Variants in RTN3 observed in about 807,000 individuals in gnomAD.
The protein encoded by RTN3 is reticulon 3.
RTN3 carries 49 observed loss-of-function variants against 77.8 expected under a neutral mutation model. That is an observed-to-expected ratio of 0.63 (90% CI 0.50 to 0.80). The LOEUF (loss-of-function observed/expected upper bound fraction) is 0.80. Among genes scored for constraint, RTN3 ranks in the 30% least tolerant of loss-of-function variants. The pLI is 0.00. For synonymous variants in RTN3, 464 were observed against 446.9 expected, an observed-to-expected ratio of 1.04 and a Z score of -0.48; for missense variants, 1,236 against 1,211.9, an observed-to-expected ratio of 1.02 and a Z score of -0.29.
intron 3 of RTN3, among the ~76,000 whole-genome samples, chr11:63,743,981 C>T (rs1006338128): frequency 1.3e-5 from 2 of 151,382 alleles, no homozygotes; most frequent in South Asian, 2.1e-4. Flanking sequence ...CAGTGGCTCA[C>T]GCCTGTAATT....
intron 1 of RTN3, among the ~76,000 whole-genome samples, chr11:63,702,920 C>T (rs1188285986): frequency 6.6e-6 from 1 of 151,664 alleles, no homozygotes; most frequent in East Asian, 1.9e-4. Flanking sequence ...CTCCTGACCT[C>T]GTGATCTGCC....
intron 2 of RTN3, among the ~76,000 whole-genome samples, chr11:63,710,079 G>A (rs1000983085): frequency 3.3e-5 from 5 of 152,132 alleles, no homozygotes; most frequent in African/African-American, 4.8e-5. Context: ...ATACGTACTT[G>A]AATAGATGAG....
intron 2 of RTN3, among the ~76,000 whole-genome samples, chr11:63,706,345 A>G (rs1397603643): frequency 5.9e-5 from 9 of 152,100 alleles, no homozygotes; most frequent in Admixed American, 5.9e-4. Context: ...ACATGCCACC[A>G]TGCCCTGCTA....
intron 1 of RTN3, among the ~76,000 whole-genome samples, chr11:63,688,223 C>CTTTTTT (rs34253380): frequency 1.5e-5 from 2 of 130,268 alleles, no homozygotes; most frequent in African/African-American, 5.6e-5. Flanking sequence ...GTGTGTTTTG[C>CTTTTTT]TTTTTTTTTT....
At chr11:63,725,177 C>G (rs181593222) in intron 3 of RTN3, among the ~76,000 whole-genome samples, 2 of 152,160 alleles carry the variant, frequency 1.3e-5, no homozygotes, top group African/African-American at 4.8e-5. Context: ...GTACATCCTT[C>G]CAGTTTATTT....
At chr11:63,682,749 T>G (rs570674278) in intron 1 of RTN3, among the ~76,000 whole-genome samples, 7 of 152,238 alleles carry the variant, frequency 4.6e-5, no homozygotes, top group African/African-American at 1.7e-4. Flanking sequence ...CCTCCTTTAG[T>G]TTGCATTGTA....
chr11:63,744,674 G>A, intron 3 of RTN3, among the ~76,000 whole-genome samples: 1 of 152,088 alleles, frequency 6.6e-6, no homozygotes, highest in Admixed American at 6.6e-5. Context: ...GCCAGAACAG[G>A]TACATGAAAA....
At chr11:63,687,257 T>G (rs569384574) in intron 1 of RTN3, among the ~76,000 whole-genome samples, 1 of 152,330 alleles carries the variant, frequency 6.6e-6, no homozygotes, top group Non-Finnish European at 1.5e-5. Context: ...GTGCAAGTCC[T>G]GAGCCTCAGT....
At chr11:63,705,434 C>T (rs555402004) in intron 2 of RTN3, among the ~76,000 whole-genome samples, 38 of 152,252 alleles carry the variant, frequency 2.5e-4, no homozygotes, top group Non-Finnish European at 5.0e-4. Flanking sequence ...GAGCGATGAT[C>T]GTGCCACTGC....
intron 1 of RTN3, among the ~76,000 whole-genome samples, chr11:63,683,933 T>C (rs2134596520): frequency 6.7e-6 from 1 of 149,112 alleles, no homozygotes; most frequent in Non-Finnish European, 1.5e-5. Context: ...CTTTCTCTTT[T>C]CTTTTCTTTC....
chr11:63,695,959 T>G (rs1163659091), intron 1 of RTN3, among the ~76,000 whole-genome samples: 1 of 152,194 alleles, frequency 6.6e-6, no homozygotes, highest in Non-Finnish European at 1.5e-5. Context: ...ATATTCTTTT[T>G]TATTAGAATA....
chr11:63,683,904 C>T (rs1167070840), intron 1 of RTN3, among the ~76,000 whole-genome samples: 4 of 146,100 alleles, frequency 2.7e-5, no homozygotes, highest in Admixed American at 6.9e-5. Flanking sequence ...TTAAATGCCG[C>T]GGTTTCCACT....
At chr11:63,755,970 A>AT in intron 7 of RTN3, 142 bp from the exon 8 acceptor site, 1 of 617,288 alleles carries the variant, frequency 1.6e-6, no homozygotes, top group Admixed American at 2.9e-5. Flanking sequence ...AAAAAAAAAA[A>AT]CTTTTAAAAA....
At position 63,718,874 on chromosome 11, in the gene RTN3, TC is replaced by T. The variant is rs1305374772; in HGVS notation, c.373del (p.Leu125Ter). ...AKEGKDHLDL[L>X]DMKKMEKPQG... ...AAGAAGGAAAAGACCACTTGGATCTTCTAGATATGAAAAAGATGGAAAAGCC... is the reference window on the plus strand; with the variant it reads ...AAGAAGGAAAAGACCACTTGGATCTTTAGATATGAAAAAGATGGAAAAGCC... On this transcript the variant is annotated frameshift_variant, in exon 3 of 9. Coordinates refer to ENST00000377819, the MANE Select transcript of RTN3 (RefSeq NM_001265589.2). LOFTEE classifies it high-confidence loss of function. The T allele has an allele frequency of 2.5e-6, 4 of 1,613,882 alleles. No individual in the cohort carries two copies. The highest frequency in any genetic ancestry group is 3.4e-6 in the Non-Finnish European group (4 of 1,180,006).
At chr11:63,713,397 C>A (rs2011221395) in intron 2 of RTN3, among the ~76,000 whole-genome samples, 1 of 152,116 alleles carries the variant, frequency 6.6e-6, no homozygotes, top group Admixed American at 6.6e-5. Context: ...GCAGCCTCGA[C>A]CTCCTGGGCT....
intron 1 of RTN3, among the ~76,000 whole-genome samples, chr11:63,683,952 T>TC (rs1259112280): frequency 8.3e-6 from 1 of 120,962 alleles, no homozygotes; most frequent in East Asian, 2.2e-4. Flanking sequence ...TCTTTTTTTT[T>TC]TTTTTTTTTT....
At chr11:63,743,239 T>C (rs990670220) in intron 3 of RTN3, among the ~76,000 whole-genome samples, 20 of 152,162 alleles carry the variant, frequency 1.3e-4, no homozygotes, top group African/African-American at 4.8e-4. Flanking sequence ...GAACCTTTAA[T>C]ACAGTGTTAA....
chr11:63,740,029 T>C (rs1459701882), intron 3 of RTN3, among the ~76,000 whole-genome samples: 1 of 152,128 alleles, frequency 6.6e-6, no homozygotes, highest in Non-Finnish European at 1.5e-5. Context: ...TCCCTTCTGT[T>C]TCCGTAGCTT....
rs377208132 is a variant in RTN3 at position 63,720,688 on chromosome 11, A to G, written c.2186A>G (p.Gln729Arg). Residue 729 changes from glutamine to arginine, a missense_variant, in exon 3 of 9, where the codon CAA (glutamine) becomes CGA (arginine). Physicochemically the swap from Gln to Arg is conservative, Grantham distance 43. This residue lies in a region of RTN3 where 1,056 missense variants were observed against 990.4 expected (regional missense o/e 1.07). Transcript: ENST00000377819. Reference sequence around the variant, plus strand: ...GAGCCTCTAGGTGTTTTCCCTACCCAAGGTACTCCAGTAGCATCTCTTGAC... The same window carrying G: ...GAGCCTCTAGGTGTTTTCCCTACCCGAGGTACTCCAGTAGCATCTCTTGAC... ...GSEPLGVFPT[Q>R]GTPVASLDLE... is the part of the protein sequence containing the mutation. 2 of 1,614,068 alleles carry G rather than the reference A, an allele frequency of 1.2e-6. No individual in the cohort carries two copies. The highest frequency in any genetic ancestry group is 1.3e-5 in the African/African-American group (1 of 74,930).
Sources: allele counts gnomAD v4.1 joint callset (sites outside exome capture counted in the v4.1 genomes callset), GRCh38; gene constraint gnomAD v4.1.1; regional missense constraint gnomAD v4.1.1; transcripts MANE v1.5; gene names NCBI Gene and HGNC (gene_info 2026-07-23, HGNC 2026-07-21).